RIMS2: variants seen among roughly 807,000 people sequenced by gnomAD.
The protein encoded by RIMS2 is regulating synaptic membrane exocytosis protein 2.
In RIMS2, 59 loss-of-function variants were observed where a neutral mutation model predicts 174.4. The observed-to-expected ratio is 0.34, with a 90% confidence interval of 0.27 to 0.42. The LOEUF (loss-of-function observed/expected upper bound fraction) is 0.42. Among genes scored for constraint, RIMS2 ranks in the 10% least tolerant of loss-of-function variants. The pLI, the probability that RIMS2 is intolerant of heterozygous loss-of-function variation, is 1.00. For synonymous variants in RIMS2, 606 were observed against 572.5 expected (o/e 1.06, Z -0.84); for missense variants, 1,620 against 1,666.3 (o/e 0.97, Z 0.48).
At chr8:103,831,276 T>C (rs2098824141) in intron 3 of RIMS2, among the ~76,000 whole-genome samples, 1 of 152,134 alleles carries the variant, frequency 6.6e-6, no homozygotes, top group Non-Finnish European at 1.5e-5. Context: ...ATATGAATAG[T>C]CAATGATTTT....
intron 4 of RIMS2, among the ~76,000 whole-genome samples, chr8:103,890,078 CTCA>C (rs760227354): frequency 9.2e-5 from 14 of 151,950 alleles, no homozygotes; most frequent in Non-Finnish European, 1.8e-4. Flanking sequence ...ATACACAATA[CTCA>C]TCATACAGTA....
intron 14 of RIMS2, among the ~76,000 whole-genome samples, chr8:103,952,478 G>A (rs1208256093): frequency 6.6e-6 from 1 of 152,184 alleles, no homozygotes; most frequent in Non-Finnish European, 1.5e-5. Flanking sequence ...AGGGTATGCA[G>A]CAGACCTCTA....
intron 1 of RIMS2, among the ~76,000 whole-genome samples, chr8:103,637,451 G>A (rs1352326751): frequency 6.6e-6 from 1 of 152,176 alleles, no homozygotes; most frequent in Non-Finnish European, 1.5e-5. Flanking sequence ...TTTTGAAAAT[G>A]AATGTGATTT....
intron 3 of RIMS2, among the ~76,000 whole-genome samples, chr8:103,788,344 A>G (rs375148124): frequency 2.1e-5 from 3 of 144,962 alleles, no homozygotes; most frequent in African/African-American, 5.1e-5. Flanking sequence ...GAGGAGAGGC[A>G]CTCTGCTTTT....
At chr8:103,916,015 T>G (rs999040240) in intron 7 of RIMS2, among the ~76,000 whole-genome samples, 1 of 151,952 alleles carries the variant, frequency 6.6e-6, no homozygotes, top group Non-Finnish European at 1.5e-5. Flanking sequence ...ATACTAATTA[T>G]TAAGGTTTTT....
Position 103,842,583 on chromosome 8 carries a change from G to A in RIMS2, c.699-42715G>A, listed in dbSNP as rs948753957. Among the ~76,000 whole-genome samples, 4 of 152,010 alleles carry A rather than the reference G, an allele frequency of 2.6e-5. No individual in the cohort carries two copies. In the East Asian group the frequency reaches 7.7e-4, roughly 29 times the overall value. ...AGATTTCCTGATGTTTAATTACTAT[G>A]TCAAAATGTACCAACTTTTCTAAGA... On this transcript the variant is annotated intron_variant, in intron 3 of 23. Transcript: ENST00000504942.
intron 14 of RIMS2, among the ~76,000 whole-genome samples, chr8:103,953,236 C>T (rs900249782): frequency 6.6e-6 from 1 of 152,020 alleles, no homozygotes; most frequent in African/African-American, 2.4e-5. Flanking sequence ...CATTCAAATT[C>T]GGAAATACAA....
At chr8:103,550,719 TAAAGAAGA>T (rs1169828411) in intron 1 of RIMS2, among the ~76,000 whole-genome samples, 2 of 150,432 alleles carry the variant, frequency 1.3e-5, no homozygotes, top group African/African-American at 4.9e-5. Context: ...GCAAGACTAA[TAAAGAAGA>T]AAAGAGAGAA....
chr8:104,055,699 C>A (rs1477228979), intron 19 of RIMS2, among the ~76,000 whole-genome samples: 6 of 152,126 alleles, frequency 3.9e-5, no homozygotes, highest in Admixed American at 1.3e-4. Context: ...CTATACCTGT[C>A]ACTGTATATT....
chr8:103,544,085 A>C (rs897679364), intron 1 of RIMS2, among the ~76,000 whole-genome samples: 18 of 134,580 alleles, frequency 1.3e-4, no homozygotes, highest in African/African-American at 4.6e-4. Flanking sequence ...GTTAATATCC[A>C]GAATATATTA....
At chr8:103,727,730 C>T (rs1241101668) in intron 2 of RIMS2, among the ~76,000 whole-genome samples, 5 of 152,108 alleles carry the variant, frequency 3.3e-5, no homozygotes, top group Non-Finnish European at 7.4e-5. Context: ...GCACCTTTGT[C>T]AAAAATAACT....
At position 103,696,885 on chromosome 8, in the gene RIMS2, A is replaced by AAC. The variant is rs1554753422; in HGVS notation, c.177-201_177-200insAC. On this transcript the variant is annotated intron_variant, in intron 1 of 23. Transcript: ENST00000504942. ...CTCAAAAAAAAAAAAAAAAAAAAAA[A>AAC]GAAGGTAGAACTAGTTGCAATACTT... Among the ~76,000 whole-genome samples, 1,115 of 136,774 alleles carry AAC rather than the reference A, an allele frequency of 8.2e-3. 60 individuals carry two copies. The highest frequency in any genetic ancestry group is 0.027 in the African/African-American group (964 of 35,908). 89.7% of individuals were successfully genotyped at this position (136,774 alleles called of 152,430 possible).
At chr8:103,794,596 A>G (rs1389244297) in intron 3 of RIMS2, among the ~76,000 whole-genome samples, 1 of 152,214 alleles carries the variant, frequency 6.6e-6, no homozygotes, top group Non-Finnish European at 1.5e-5. Context: ...ATCTAATTAA[A>G]CTAAAGAGCT....
At chr8:103,872,893 T>TAG (rs2154513862) in intron 3 of RIMS2, among the ~76,000 whole-genome samples, 1 of 152,276 alleles carries the variant, frequency 6.6e-6, no homozygotes, top group South Asian at 2.1e-4. Context: ...TGTAAGAAAT[T>TAG]AGAGAGATTA....
chr8:104,107,722 A>C (rs1487235471), intron 19 of RIMS2, among the ~76,000 whole-genome samples: 2 of 152,222 alleles, frequency 1.3e-5, no homozygotes, highest in Admixed American at 1.3e-4. Flanking sequence ...CCAAGGCAAG[A>C]GGATTGCTTG....
chr8:103,923,625 A>G (rs2078150576), intron 10 of RIMS2, among the ~76,000 whole-genome samples: 1 of 152,002 alleles, frequency 6.6e-6, no homozygotes, highest in Admixed American at 6.6e-5. Context: ...GTAATTTAAA[A>G]TGTGTACTAT....
chr8:103,918,652 G>T, intron 9 of RIMS2, 165 bp downstream of exon 12: 4 of 563,696 alleles, frequency 7.1e-6, no homozygotes, highest in Non-Finnish European at 1.3e-5. Context: ...TGTCACTGTG[G>T]GAAAAACAAA....
chr8:103,696,740 G>A (rs1040325118), intron 1 of RIMS2, among the ~76,000 whole-genome samples: 10 of 151,784 alleles, frequency 6.6e-5, no homozygotes, highest in African/African-American at 2.4e-4. Context: ...GTGTGTGCCT[G>A]TAGTCCTAGC....
rs138850141 is a variant in RIMS2 at position 103,994,281 on chromosome 8, A to T, written c.3044+4860A>T. Among the ~76,000 whole-genome samples the T allele has an allele frequency of 3.2e-3, 483 of 152,276 alleles. 2 individuals are homozygous for T. The highest frequency in any genetic ancestry group is 0.011 in the African/African-American group (444 of 41,570). On this transcript the variant is annotated intron_variant, in intron 17 of 23. Transcript: ENST00000504942. ...TCTTTAAAGGTTATATTGCTTAAGA[A>T]TCAAAGTGTCTAGAAATTGGATTAG...
Sources: allele counts gnomAD v4.1 joint callset (sites outside exome capture counted in the v4.1 genomes callset), GRCh38; gene constraint gnomAD v4.1.1; transcripts MANE v1.5; gene names NCBI Gene and HGNC (gene_info 2026-07-23, HGNC 2026-07-21).